Variants in SPOCK2 observed in about 807,000 individuals in gnomAD.
SPOCK2 encodes testican-2.
Under a neutral mutation model 60.1 loss-of-function variants are expected in SPOCK2, and 39 were observed. The observed-to-expected ratio is 0.65, with a 90% CI of 0.50 to 0.85. The LOEUF (loss-of-function observed/expected upper bound fraction) is 0.85, where lower values mean the gene tolerates loss of function less well. SPOCK2 is among the 40% of genes least tolerant of loss of function. The pLI, the probability that SPOCK2 is intolerant of heterozygous loss-of-function variation, is 0.00. For missense variants in SPOCK2, 523 were observed against 567.4 expected (o/e 0.92, Z 0.80); for synonymous variants, 217 against 231.5 (o/e 0.94, Z 0.57).
rs577728856 is a variant in SPOCK2, at chr10:72,072,162, C to A, written c.341G>T (p.Arg114Leu). ...QGYQRAMCIS[R>L]KKLEHRIKQP... ...CTCTCACCTGTGCTCCAGCTTCTTGCGACTGATGCACATGGCCCGCTGGTA... is the reference window on the plus strand; with the variant it reads ...CTCTCACCTGTGCTCCAGCTTCTTGAGACTGATGCACATGGCCCGCTGGTA... Residue 114 changes from arginine to leucine, a missense_variant, in exon 4 of 11, where the codon CGC becomes CTC. By Grantham distance (102) the Arg-to-Leu change is moderately radical. Coordinates refer to ENST00000373109, the MANE Select transcript of SPOCK2 (RefSeq NM_001244950.2). The A allele has an allele frequency of 3.9e-6, 6 of 1,528,310 alleles. No individual in the cohort carries two copies. The highest frequency in any genetic ancestry group is 1.4e-5 in the African/African-American group (1 of 72,204). 94.7% of individuals were successfully genotyped at this position (1,528,310 alleles called of 1,614,324 possible).
chr10:72,073,323 C>T (rs1426425830), intron 1 of SPOCK2, among the ~76,000 whole-genome samples: 2 of 152,214 alleles, frequency 1.3e-5, no homozygotes, highest in East Asian at 3.8e-4. Context: ...CCTGCCAAGG[C>T]CCCTTCCTTG....
intron 4 of SPOCK2, 53 bp downstream of exon 4, chr10:72,072,091 C>CT: frequency 7.2e-7 from 1 of 1,394,504 alleles, no homozygotes; most frequent in Non-Finnish European, 9.5e-7. Flanking sequence ...CAGTTGAGCC[C>CT]TTGCTCTTTG....
At chr10:72,068,041 C>A in intron 6 of SPOCK2, 146 bp downstream of exon 6, 2 of 980,600 alleles carry the variant, frequency 2.0e-6, no homozygotes, top group Non-Finnish European at 3.0e-6. Context: ...TAATCTGGGC[C>A]TCTGACCTCA....
rs1250514902 is a variant in SPOCK2, at chr10:72,088,547, G to T, written c.-219C>A. The stretch of plus-strand genomic sequence containing the variant: ...AGCACTGGACGCGGAGAGGGAGAGA[G>T]AATCAGAGAGGCTGCGCCAGCAGGG... On this transcript the variant is annotated 5_prime_UTR_variant, in exon 1 of 11. Coordinates refer to ENST00000373109, the MANE Select transcript of SPOCK2 (RefSeq NM_001244950.2). 5.9e-6 allele frequency: 3 copies of T among 508,954 alleles called. No individual in the cohort carries two copies. The highest frequency in any genetic ancestry group is 1.0e-5 in the Non-Finnish European group (3 of 292,394). The allele number at this position is 508,954 out of a possible 1,614,324, so 31.5% of individuals were successfully genotyped here.
chr10:72,072,468 T>TGA, intron 3 of SPOCK2, 35 bp downstream of exon 3: 1 of 1,613,500 alleles, frequency 6.2e-7, no homozygotes, highest in Non-Finnish European at 8.5e-7. Flanking sequence ...TTCACACGTG[T>TGA]CAGTCACCTT....
chr10:72,063,305 G>T, intron 9 of SPOCK2, 143 bp from the exon 10 acceptor site: 1 of 1,230,188 alleles, frequency 8.1e-7, no homozygotes, highest in Non-Finnish European at 1.1e-6. Flanking sequence ...CCCCCAACAG[G>T]CCCAGATGCT....
chr10:72,066,054 C>T (rs1840563369), intron 8 of SPOCK2, among the ~76,000 whole-genome samples: 1 of 152,148 alleles, frequency 6.6e-6, no homozygotes, highest in Non-Finnish European at 1.5e-5. Context: ...CCAGCTCCAG[C>T]CACACAGGTC....
At chr10:72,072,112 C>G in intron 4 of SPOCK2, 32 bp downstream of exon 4, 3 of 1,457,012 alleles carry the variant, frequency 2.1e-6, no homozygotes, top group Non-Finnish European at 2.7e-6. Context: ...AACACACCCC[C>G]TCCAGGGCTC....
chr10:72,062,532 G>GTAT lies in SPOCK2; in HGVS notation c.*227_*228insATA. 1.3e-6 allele frequency: 1 copy of GTAT among 741,650 alleles called. No individual in the cohort carries two copies. The highest frequency in any genetic ancestry group is 2.7e-5 in the South Asian group (1 of 37,316). 45.9% of individuals were successfully genotyped at this position (741,650 alleles called of 1,614,324 possible). A position where few individuals can be genotyped will look rare whatever the true frequency, so the allele number is the denominator to read the frequency against. On this transcript the variant is annotated 3_prime_UTR_variant, in exon 11 of 11. Transcript: ENST00000373109. This position sits in a 1 kb window ranked among gnomAD's most constrained non-coding sequence, Gnocchi z 4.3. ...GTGGATCAAGGACACATTTGTCAGCGCATGCCACACACACACACACATACA... is the reference window on the plus strand; with the variant it reads ...GTGGATCAAGGACACATTTGTCAGCGTATCATGCCACACACACACACACATACA...
chr10:72,072,835 G>A, intron 2 of SPOCK2, 67 bp downstream of exon 2: 1 of 1,550,272 alleles, frequency 6.5e-7, no homozygotes, highest in Non-Finnish European at 8.7e-7. Flanking sequence ...GGGTGTGGAG[G>A]GACACAGGAG....
chr10:72,071,378 G>C (rs990094011), intron 4 of SPOCK2, among the ~76,000 whole-genome samples: 4 of 152,034 alleles, frequency 2.6e-5, no homozygotes, highest in Middle Eastern at 3.2e-3. Flanking sequence ...CAGTAGAGAT[G>C]GGGTTTCACC....
rs777351149 is a variant in SPOCK2 at position 72,067,734 on chromosome 10, T to C, written c.590-2A>G. 1.2e-6 allele frequency: 2 copies of C among 1,612,978 alleles called. No individual in the cohort carries two copies. Among genetic ancestry groups the C allele is most frequent in the Non-Finnish European group, 1.7e-6 (2 of 1,179,660 alleles). ...CCAGGTCCTGACCGGTGCAAGTCTC[T>C]GCAGAACAGAGAGAAGGCATGGAGG... On this transcript the variant is annotated splice_acceptor_variant, in intron 6 of 10. Coordinates refer to ENST00000373109, the MANE Select transcript of SPOCK2 (RefSeq NM_001244950.2). LOFTEE classifies it high-confidence loss of function.
rs199595453 is a variant in SPOCK2 at position 72,067,091 on chromosome 10, T to C, written c.739A>G (p.Lys247Glu). ...GAGAACATCCAGCCAATGGAGTCCTTGCAGCTGGCCCCCAGGCTCTTGTCC... is the reference window on the plus strand; with the variant it reads ...GAGAACATCCAGCCAATGGAGTCCTCGCAGCTGGCCCCCAGGCTCTTGTCC... ...GLDKSLGASC[K>E]DSIGWMFSKL... Residue 247 changes from lysine (K) to glutamate (E), a missense_variant, in exon 8 of 11, where the codon AAG becomes GAG. Lys to Glu is a moderately conservative substitution (Grantham distance 56). Coordinates refer to ENST00000373109, the MANE Select transcript of SPOCK2 (RefSeq NM_001244950.2). The C allele has an allele frequency of 2.3e-4, 372 of 1,614,110 alleles. No individual in the cohort carries two copies. The highest frequency in any genetic ancestry group is 2.8e-4 in the Non-Finnish European group (334 of 1,180,006).
intron 1 of SPOCK2, among the ~76,000 whole-genome samples, chr10:72,083,603 T>C (rs1410072236): frequency 6.6e-6 from 1 of 152,124 alleles, no homozygotes; most frequent in Non-Finnish European, 1.5e-5. Context: ...TGGAGTAGCA[T>C]ATGACAGCCT....
intron 1 of SPOCK2, among the ~76,000 whole-genome samples, chr10:72,080,958 G>A (rs1477721416): frequency 2.0e-5 from 3 of 152,074 alleles, no homozygotes; most frequent in African/African-American, 7.2e-5. Context: ...AGTCCATAAA[G>A]GGCAGAGAAC....
In SPOCK2 at chr10:72,073,578, C is replaced by T. The variant is rs77767801; in HGVS notation, c.190-668G>A. Among the ~76,000 whole-genome samples, 97 of 152,340 alleles carry T rather than the reference C, an allele frequency of 6.4e-4. 1 individual carries two copies. The highest frequency in any genetic ancestry group is 5.2e-3 in the South Asian group (25 of 4,830). ...TACGAGGTCACCTGGTCCAGCCCCCCCTTTGTGCCGGAGAAAGCCCAGAGA... is the reference window on the plus strand; with the variant it reads ...TACGAGGTCACCTGGTCCAGCCCCCTCTTTGTGCCGGAGAAAGCCCAGAGA... On this transcript the variant is annotated intron_variant, in intron 1 of 10. Transcript: ENST00000373109.
rs2131816310 is a variant in SPOCK2, at chr10:72,072,630, C to T, written c.199-82G>A. 2 of 1,588,580 alleles carry T rather than the reference C, an allele frequency of 1.3e-6. 1 individual carries two copies. The highest frequency in any genetic ancestry group is 4.5e-5 in the East Asian group (2 of 44,624). On this transcript the variant is annotated intron_variant, in intron 2 of 10. Transcript: ENST00000373109. ...GTTCAACTGCGGGGTCGAGGAGAGG[C>T]CTGGGCCAGCGATGTCATGTGCCAA...
chr10:72,083,666 C>G (rs547085498), intron 1 of SPOCK2, among the ~76,000 whole-genome samples: 20 of 152,338 alleles, frequency 1.3e-4, no homozygotes, highest in African/African-American at 4.3e-4. Flanking sequence ...TGGAGTCTCG[C>G]TGGGTGTTCA....
chr10:72,077,967 C>G (rs879796737), intron 1 of SPOCK2, among the ~76,000 whole-genome samples: 34 of 152,190 alleles, frequency 2.2e-4, no homozygotes, highest in African/African-American at 7.7e-4. Flanking sequence ...CCACCCGGAT[C>G]CTTCCAAAAC....
Sources: gnomAD v4.1 joint callset for allele counts (sites outside exome capture counted in the v4.1 genomes callset) on GRCh38, gnomAD v4.1.1 for gene constraint, Gnocchi (gnomAD v3.1) non-coding constraint, MANE v1.5 for transcripts, NCBI Gene and HGNC (gene_info 2026-07-23, HGNC 2026-07-21) for gene names.